CBARP: variants seen among roughly 807,000 people sequenced by gnomAD.
The protein encoded by CBARP is voltage-dependent calcium channel beta subunit-associated regulatory protein.
CBARP carries 24 observed loss-of-function variants against 36.3 expected under a neutral mutation model. The observed-to-expected ratio is 0.66, with a 90% confidence interval of 0.48 to 0.93. CBARP has a LOEUF of 0.93. CBARP is among the 40% of genes least tolerant of loss of function. CBARP has a pLI of 0.00. For missense variants in CBARP, 1,146 were observed against 980.4 expected (o/e 1.17, Z -2.26); for synonymous variants, 586 against 453.2 (o/e 1.29, Z -3.72).
In CBARP at chr19:1,230,046, CA is replaced by C. The variant is rs2080868928; in HGVS notation, c.1250del (p.Leu417ArgfsTer411). The C allele has an allele frequency of 8.2e-7, 1 of 1,215,918 alleles. No individual in the cohort carries two copies. Among genetic ancestry groups the C allele is most frequent in the African/African-American group, 1.7e-5 (1 of 60,436 alleles). The allele number at this position is 1,215,918 out of a possible 1,614,324, so 75.3% of individuals were successfully genotyped here. A position where few individuals can be genotyped will look rare whatever the true frequency, so the allele number is the denominator to read the frequency against. On this transcript the variant is annotated frameshift_variant, in exon 10 of 10. Transcript: ENST00000650044. LOFTEE classifies it low-confidence loss of function (END_TRUNC). ...CCGCGTCCCGCTCGGCGTCCGGCTCCAGTGGCGGCTGCTGCTGCTCAGGCCC... is the reference window on the plus strand; with the variant it reads ...CCGCGTCCCGCTCGGCGTCCGGCTCCGTGGCGGCTGCTGCTGCTCAGGCCC... Reference protein sequence around the residue: ...SAGPEQQQPPLEPDAERDAGP... With the variant: ...SAGPEQQQPPXEPDAERDAGP...
At chr19:1,230,385 GC>G in intron 9 of CBARP, 2 of 987,424 alleles carry the variant, frequency 2.0e-6, no homozygotes, top group Non-Finnish European at 2.4e-6. Flanking sequence ...AGACGGCGGG[GC>G]CCCCTCCCTT....
intron 9 of CBARP, chr19:1,230,870 C>T: frequency 6.6e-6 from 10 of 1,503,850 alleles, no homozygotes; most frequent in Non-Finnish European, 8.9e-6. Context: ...GGGGGCCCCT[C>T]CTCCCCACCC....
In CBARP at chr19:1,236,109, G is replaced by A. The variant is rs1317079221; in HGVS notation, c.-9C>T. The A allele has an allele frequency of 2.1e-6, 3 of 1,442,946 alleles. No homozygotes were observed. Among genetic ancestry groups the A allele is most frequent in the Non-Finnish European group, 2.7e-6 (3 of 1,101,664 alleles). 89.4% of individuals were successfully genotyped at this position (1,442,946 alleles called of 1,614,324 possible). A position where few individuals can be genotyped will look rare whatever the true frequency, so the allele number is the denominator to read the frequency against. On this transcript the variant is annotated 5_prime_UTR_variant, in exon 2 of 10. Transcript: ENST00000650044. ...GTGGCTGTGGGCTGCATTCTGAACT[G>A]GGGAGGAGGGCCCTGTGGGGAGGAA...
intron 9 of CBARP, chr19:1,230,504 G>A: frequency 3.0e-6 from 3 of 1,015,860 alleles, no homozygotes; most frequent in Non-Finnish European, 3.5e-6. Context: ...GTTGAGTCCA[G>A]CTCAGCCCCT....
At position 1,228,638 on chromosome 19, in the gene CBARP, G is replaced by A. The variant is rs2080848434; in HGVS notation, c.*541C>T. ...CAGCACACGCCGCAGTGAGGTAAAC[G>A]GTCTCGGAGGTCGGCAGTCACGGTG... On this transcript the variant is annotated 3_prime_UTR_variant, in exon 10 of 10. Transcript: ENST00000650044. 1 of 156,478 alleles carries A rather than the reference G, an allele frequency of 6.4e-6. No individual in the cohort carries two copies. The highest frequency in any genetic ancestry group is 2.4e-5 in the African/African-American group (1 of 41,410). The allele number at this position is 156,478 out of a possible 1,614,324, so 9.7% of individuals were successfully genotyped here.
Position 1,233,366 on chromosome 19 carries a change from C to T in CBARP, c.979+60G>A, listed in dbSNP as rs2080918593. The T allele has an allele frequency of 4.1e-6, 6 of 1,470,322 alleles. No individual in the cohort carries two copies. In the South Asian group the frequency reaches 5.3e-5, roughly 13 times the overall value. 91.1% of individuals were successfully genotyped at this position (1,470,322 alleles called of 1,614,324 possible). ...TCCTGCTCCTGGATGTCCAGGGCAG[C>T]CCCTGGCAGCCAGCACCCAGCCCAC... On this transcript the variant is annotated intron_variant, in intron 8 of 9. Transcript: ENST00000650044.
chr19:1,230,820 C>T (rs1010266157), intron 9 of CBARP: 3 of 1,469,456 alleles, frequency 2.0e-6, no homozygotes, highest in African/African-American at 2.9e-5. Context: ...CTTCAGGCCT[C>T]GGACTCCACC....
chr19:1,234,949 G>A (rs549797359), intron 5 of CBARP, 52 bp downstream of exon 5: 16 of 1,565,330 alleles, frequency 1.0e-5, no homozygotes, highest in East Asian at 6.8e-5. Flanking sequence ...CCGTCCCGGC[G>A]GCCAGGACCT....
At chr19:1,230,421 T>C (rs1188618971) in intron 9 of CBARP, 1 of 989,044 alleles carries the variant, frequency 1.0e-6, no homozygotes, top group African/African-American at 1.7e-5. Context: ...AAAGTCAACA[T>C]GCTTCTCTCC....
In CBARP at chr19:1,229,268, GTC is replaced by G. The variant is rs1287325408; in HGVS notation, c.2027_2028del (p.Arg676ThrfsTer128). 1 of 1,252,644 alleles carries G rather than the reference GTC, an allele frequency of 8.0e-7. No homozygotes were observed. Among genetic ancestry groups the G allele is most frequent in the Non-Finnish European group, 1.0e-6 (1 of 974,474 alleles). 77.6% of individuals were successfully genotyped at this position (1,252,644 alleles called of 1,614,324 possible). ...GGCTCGGCGAGGCGCGGCGGAAAGAGTCTCTCGTCGAGGCCAGCCGCCAGCTT... is the reference window on the plus strand; with the variant it reads ...GGCTCGGCGAGGCGCGGCGGAAAGAGTCTCGTCGAGGCCAGCCGCCAGCTT... ...LDKLAAGLDERLFPPRLAEPV... is the reference protein window; with the variant it reads ...LDKLAAGLDEXLFPPRLAEPV... On this transcript the variant is annotated frameshift_variant, in exon 10 of 10. Transcript: ENST00000650044. LOFTEE classifies it low-confidence loss of function (END_TRUNC). The surrounding 1 kb of genome is among the most constrained non-coding windows in gnomAD (Gnocchi z 5.1).
chr19:1,235,232 G>A (rs781564968), intron 4 of CBARP, 87 bp from the exon 5 acceptor site: 22 of 1,337,492 alleles, frequency 1.6e-5, no homozygotes, highest in Non-Finnish European at 1.9e-5. Flanking sequence ...GGGCGGCCAC[G>A]GCAGGGAGGG....
At chr19:1,234,544 A>C in intron 6 of CBARP, 27 bp downstream of exon 6, 1 of 1,578,768 alleles carries the variant, frequency 6.3e-7, no homozygotes, top group Non-Finnish European at 8.6e-7. Context: ...TCCCCCGAGG[A>C]ACCGGGGCTG....
At position 1,229,486 on chromosome 19, in the gene CBARP, G is replaced by A. The variant is rs981316672; in HGVS notation, c.1811C>T (p.Pro604Leu). ...CGCGGGTCGGGCCGCGCCGGCAGGC[G>A]GTGCCGGGGTTCCGGCCAGGGCCGG... ...AAPALAGTPA[P>L]PAGAARPARA... is the part of the protein sequence containing the mutation. Residue 604 changes from proline to leucine, a missense_variant, in exon 10 of 10, where the codon CCG (proline) becomes CTG (leucine). Transcript: ENST00000650044. This position sits in a 1 kb window ranked among gnomAD's most constrained non-coding sequence, Gnocchi z 5.1. 36 of 979,094 alleles carry A rather than the reference G, an allele frequency of 3.7e-5. No homozygotes were observed. The highest frequency in any genetic ancestry group is 2.3e-4 in the African/African-American group (13 of 56,556). The allele number at this position is 979,094 out of a possible 1,614,324, so 60.7% of individuals were successfully genotyped here.
At chr19:1,235,716 C>G in intron 3 of CBARP, 63 bp downstream of exon 3, 1 of 1,604,224 alleles carries the variant, frequency 6.2e-7, no homozygotes, top group Non-Finnish European at 8.5e-7. Context: ...AGGTAGACCC[C>G]CCACCACCCG....
rs144699048 is a variant in CBARP at position 1,234,211 on chromosome 19, C to T, written c.748G>A (p.Asp250Asn). The T allele has an allele frequency of 2.5e-4, 374 of 1,522,124 alleles. No homozygotes were observed. The highest frequency in any genetic ancestry group is 7.5e-4 in the Admixed American group (33 of 43,882). The allele number at this position is 1,522,124 out of a possible 1,614,324, so 94.3% of individuals were successfully genotyped here. Residue 250 changes from aspartate to asparagine, a missense_variant, in exon 7 of 10, where the codon GAC (aspartate) becomes AAC (asparagine). Coordinates refer to ENST00000650044, the MANE Select transcript of CBARP (RefSeq NM_001393918.1). The part of the protein sequence containing the change: ...FAEISPSASS[D>N]SGEGTSLDAG... The stretch of plus-strand genomic sequence containing the variant: ...CTCACCGAGGTGCCTTCCCCAGAGT[C>T]GCTAGATGCCGAGGGGCTGATCTCT...
At chr19:1,235,202 C>A in intron 4 of CBARP, 57 bp from the exon 5 acceptor site, 1 of 1,418,450 alleles carries the variant, frequency 7.0e-7, no homozygotes, top group South Asian at 1.5e-5. Flanking sequence ...GGCGCCTGGT[C>A]CCGGGAGGGC....
chr19:1,231,948 A>G (rs1161882995), intron 8 of CBARP, among the ~76,000 whole-genome samples: 3 of 152,070 alleles, frequency 2.0e-5, no homozygotes, highest in Non-Finnish European at 4.4e-5. Context: ...TGTCCTGGAC[A>G]CCTGGTGGCC....
Position 1,228,357 on chromosome 19 carries a change from C to T in CBARP, c.*822G>A. 1 of 240,026 alleles carries T rather than the reference C, an allele frequency of 4.2e-6. No individual in the cohort carries two copies. Among genetic ancestry groups the T allele is most frequent in the East Asian group, 6.1e-5 (1 of 16,466 alleles). 14.9% of individuals were successfully genotyped at this position (240,026 alleles called of 1,614,324 possible). A position where few individuals can be genotyped will look rare whatever the true frequency, so the allele number is the denominator to read the frequency against. On this transcript the variant is annotated 3_prime_UTR_variant, in exon 10 of 10. Coordinates refer to ENST00000650044, the MANE Select transcript of CBARP (RefSeq NM_001393918.1). The stretch of plus-strand genomic sequence containing the variant: ...ACGCCATCGCGGGATGGTGCAGACG[C>T]GGCGGGGACTCGGAGGGTGCCGTGC...
rs554921678 is a variant in CBARP at position 1,230,301 on chromosome 19, C to T, written c.1155-159G>A. On this transcript the variant is annotated intron_variant, in intron 9 of 9. Transcript: ENST00000650044. The stretch of plus-strand genomic sequence containing the variant: ...CTTTAAAATGAGCCAGTGTGTTTTG[C>T]AGGGGATGCGTCTTGCATTGACCCT... 3.7e-4 allele frequency: 364 copies of T among 990,842 alleles called. 2 individuals carry two copies. In the African/African-American group the frequency reaches 6.1e-3, roughly 17 times the overall value. The allele number at this position is 990,842 out of a possible 1,614,324, so 61.4% of individuals were successfully genotyped here. A position where few individuals can be genotyped will look rare whatever the true frequency, so the allele number is the denominator to read the frequency against.
Sources: gnomAD v4.1 joint callset for allele counts (sites outside exome capture counted in the v4.1 genomes callset) on GRCh38, gnomAD v4.1.1 for gene constraint, Gnocchi (gnomAD v3.1) non-coding constraint, MANE v1.5 for transcripts, NCBI Gene and HGNC (gene_info 2026-07-23, HGNC 2026-07-21) for gene names.